The following RSF1 variants were observed in gnomAD, a reference collection of about 807,000 sequenced individuals.
RSF1 encodes remodeling and spacing factor 1, also known as HBV pX-associated protein 8.
A neutral mutation model predicts 145.2 loss-of-function variants in RSF1; 13 were observed. The observed-to-expected ratio is 0.09, with a 90% confidence interval of 0.06 to 0.14. The LOEUF is 0.14. RSF1 is among the 10% of genes least tolerant of loss of function. The pLI is 1.00. For missense variants in RSF1, 1,517 were observed against 1,718.2 expected, an observed-to-expected ratio of 0.88 and a Z score of 2.07; for synonymous variants, 577 against 592.6, an observed-to-expected ratio of 0.97 and a Z score of 0.38.
chr11:77,734,551 A>G (rs922258273), intron 4 of RSF1: 1 of 1,558,478 alleles, frequency 6.4e-7, no homozygotes, highest in African/African-American at 1.4e-5. Context: ...GAGTGCTCCC[A>G]TCTTGTGCAA....
At chr11:77,689,884 C>T (rs1310965246) in intron 9 of RSF1, among the ~76,000 whole-genome samples, 2 of 152,194 alleles carry the variant, frequency 1.3e-5, no homozygotes, top group African/African-American at 4.8e-5. Context: ...CTTCTCCAGG[C>T]TGGGCACAGT....
chr11:77,760,088 G>C (rs1293331415), intron 2 of RSF1, among the ~76,000 whole-genome samples: 1 of 152,138 alleles, frequency 6.6e-6, no homozygotes. Context: ...ATATACAGGA[G>C]AGAAGTGAAA....
chr11:77,842,156 GTTTCTTCT>G, the RSF1 span, among the ~76,000 whole-genome samples: 37 of 152,190 alleles, frequency 2.4e-4, no homozygotes, highest in African/African-American at 7.9e-4. Context: ...TAGCTTTATA[GTTTCTTCT>G]TGGGGAGAGA....
At chr11:77,816,448 C>T (rs1948782900) in intron 1 of RSF1, among the ~76,000 whole-genome samples, 1 of 152,140 alleles carries the variant, frequency 6.6e-6, no homozygotes, top group South Asian at 2.1e-4. Flanking sequence ...TTGATATTTT[C>T]ACTTCGAGTT....
chr11:77,790,565 C>T (rs546659409), intron 1 of RSF1, among the ~76,000 whole-genome samples: 1 of 152,244 alleles, frequency 6.6e-6, no homozygotes, highest in East Asian at 1.9e-4. Context: ...GTCCACAGTC[C>T]AAAGTCTCAT....
At chr11:77,818,907 C>T (rs540525382) in intron 1 of RSF1, among the ~76,000 whole-genome samples, 2 of 152,122 alleles carry the variant, frequency 1.3e-5, no homozygotes, top group African/African-American at 2.4e-5. Flanking sequence ...ATTAGTCACC[C>T]TCCTATTTTG....
At chr11:77,854,813 G>T in the RSF1 span, among the ~76,000 whole-genome samples, 1 of 152,160 alleles carries the variant, frequency 6.6e-6, no homozygotes, top group African/African-American at 2.4e-5. Context: ...CTGTGTAGGG[G>T]CTCCAACCCC....
chr11:77,870,565 C>T, the RSF1 span, among the ~76,000 whole-genome samples: 1 of 151,966 alleles, frequency 6.6e-6, no homozygotes, highest in African/African-American at 2.4e-5. Context: ...TCTTGATCTC[C>T]TGACCTCGTG....
the RSF1 span, among the ~76,000 whole-genome samples, chr11:77,844,800 C>T: frequency 6.6e-6 from 1 of 152,174 alleles, no homozygotes; most frequent in Non-Finnish European, 1.5e-5. Flanking sequence ...TAATTTTTCA[C>T]ATAGGAGTGG....
chr11:77,821,529 G>A (rs1024263898), upstream of RSF1, among the ~76,000 whole-genome samples: 2 of 152,150 alleles, frequency 1.3e-5, no homozygotes, highest in Admixed American at 6.5e-5. Context: ...AATCGTCGGA[G>A]TGAGGAGTTG....
chr11:77,667,639 CTT>C (rs1959403991), intron 15 of RSF1, 148 bp from the exon 16 acceptor site: 4 of 646,964 alleles, frequency 6.2e-6, no homozygotes, highest in Admixed American at 5.8e-5. Flanking sequence ...TGATTTCTCT[CTT>C]CTCAGTCCCA....
Position 77,666,016 on chromosome 11 carries a change from C to A in RSF1, c.*901G>T, listed in dbSNP as rs1959354327. 6.6e-6 allele frequency: 1 copy of A among 152,096 alleles called. No individual in the cohort carries two copies. Among genetic ancestry groups the A allele is most frequent in the Non-Finnish European group, 1.5e-5 (1 of 68,020 alleles). 9.4% of individuals were successfully genotyped at this position (152,096 alleles called of 1,614,324 possible). On this transcript the variant is annotated 3_prime_UTR_variant, in exon 16 of 16. Transcript: ENST00000308488. ...CAAAATGATATTTCAGATATTTAAA[C>A]ATCAAGTGGCCAGAAGACAAGAGTT...
chr11:77,692,257 TTTTTTG>T (rs1452578241), intron 8 of RSF1, among the ~76,000 whole-genome samples: 2 of 78,552 alleles, frequency 2.5e-5, no homozygotes, highest in African/African-American at 1.5e-4. Flanking sequence ...TTTTTTTTTT[TTTTTTG>T]AGACGGAGTC....
In RSF1 at chr11:77,698,519, T is replaced by G; in HGVS notation, c.2683A>C (p.Lys895Gln). ...AILADDDEPC[K>Q]KCGLPNHPEL... Reference sequence around the variant, plus strand: ...GGATGGTTTGGAAGGCCACATTTTTTGCATGGTTCATCATCATCTGCTAGG... The same window carrying G: ...GGATGGTTTGGAAGGCCACATTTTTGGCATGGTTCATCATCATCTGCTAGG... The change falls in exon 7 of 16, where the codon AAA becomes CAA. Residue 895 changes from lysine (K) to glutamine (Q), a missense_variant. Coordinates refer to ENST00000308488, the MANE Select transcript of RSF1 (RefSeq NM_016578.4). The G allele has an allele frequency of 1.2e-6, 2 of 1,614,146 alleles. No homozygotes were observed. The highest frequency in any genetic ancestry group is 1.7e-6 in the Non-Finnish European group (2 of 1,180,000).
chr11:77,870,694 C>T, the RSF1 span, among the ~76,000 whole-genome samples: 1 of 151,922 alleles, frequency 6.6e-6, no homozygotes, highest in Non-Finnish European at 1.5e-5. Context: ...TTTAAAAATT[C>T]AATGCAGAAA....
At chr11:77,746,021 T>A (rs1391973737) in intron 3 of RSF1, among the ~76,000 whole-genome samples, 2 of 152,246 alleles carry the variant, frequency 1.3e-5, no homozygotes, top group African/African-American at 2.4e-5. Context: ...AAGTATTACA[T>A]ACTTTTCAGT....
chr11:77,728,040 T>G (rs1377692144), intron 4 of RSF1, among the ~76,000 whole-genome samples: 1 of 152,202 alleles, frequency 6.6e-6, no homozygotes, highest in African/African-American at 2.4e-5. Flanking sequence ...TACAGAATAT[T>G]TTAGACTATG....
chr11:77,841,373 T>A, the RSF1 span: 1 of 583,410 alleles, frequency 1.7e-6, no homozygotes, highest in Middle Eastern at 2.6e-4. Context: ...TTAGAGTTTT[T>A]TCCTTGATTT....
chr11:77,845,174 T>C, the RSF1 span, among the ~76,000 whole-genome samples: 2 of 152,202 alleles, frequency 1.3e-5, no homozygotes, highest in African/African-American at 4.8e-5. Context: ...AGCCATTATT[T>C]CTTCAAGTAT....
Sources: gnomAD v4.1 joint callset for allele counts (sites outside exome capture counted in the v4.1 genomes callset) on GRCh38, gnomAD v4.1.1 for gene constraint, MANE v1.5 for transcripts, NCBI Gene and HGNC (gene_info 2026-07-23, HGNC 2026-07-21) for gene names.